The following NKAIN2 variants were observed in gnomAD, a reference collection of about 807,000 sequenced individuals.
The protein encoded by NKAIN2 is sodium/potassium-transporting ATPase subunit beta-1-interacting protein 2.
A neutral mutation model predicts 32.6 loss-of-function variants in NKAIN2; 14 were observed. The observed-to-expected ratio is 0.43, with a 90% confidence interval of 0.28 to 0.67. The LOEUF (loss-of-function observed/expected upper bound fraction) is 0.67, where lower values mean the gene tolerates loss of function less well. Among genes scored for constraint, NKAIN2 ranks in the 30% least tolerant of loss-of-function variants. The probability of loss-of-function intolerance (pLI) is 0.17; values close to 1 mark genes in which losing one functional copy is unlikely to be tolerated. For synonymous variants in NKAIN2, 80 were observed against 87.2 expected (o/e 0.92, Z 0.46); for missense variants, 198 against 258.3 (o/e 0.77, Z 1.60).
At chr6:123,931,041 G>A (rs1207801893) in intron 1 of NKAIN2, among the ~76,000 whole-genome samples, 1 of 152,060 alleles carries the variant, frequency 6.6e-6, no homozygotes, top group Non-Finnish European at 1.5e-5. Flanking sequence ...TTCAGGCAGT[G>A]CAAATACATG....
chr6:124,294,105 T>A (rs978713487), intron 2 of NKAIN2, among the ~76,000 whole-genome samples: 1 of 152,124 alleles, frequency 6.6e-6, no homozygotes, highest in East Asian at 1.9e-4. Context: ...GGCTGGGAAG[T>A]CCATGATAGG....
At chr6:124,071,170 C>T (rs78839036) in intron 1 of NKAIN2, among the ~76,000 whole-genome samples, 60 of 152,198 alleles carry the variant, frequency 3.9e-4, no homozygotes, top group Non-Finnish European at 7.5e-4. Context: ...AATCTACAGG[C>T]CTCTGATCTT....
chr6:124,344,426 A>G (rs1279912038), intron 2 of NKAIN2, among the ~76,000 whole-genome samples: 1 of 151,698 alleles, frequency 6.6e-6, no homozygotes, highest in Admixed American at 6.6e-5. Context: ...CTTGGGCAGT[A>G]TGGCCATTTT....
At chr6:124,021,309 T>C (rs1054830543) in intron 1 of NKAIN2, among the ~76,000 whole-genome samples, 1 of 152,188 alleles carries the variant, frequency 6.6e-6, no homozygotes, top group Middle Eastern at 3.4e-3. Context: ...ATAAGAACAC[T>C]GTTTAATCTT....
At chr6:123,930,753 A>G (rs758144434) in intron 1 of NKAIN2, among the ~76,000 whole-genome samples, 11 of 152,164 alleles carry the variant, frequency 7.2e-5, no homozygotes, top group Non-Finnish European at 1.6e-4. Flanking sequence ...ACTACTTTGC[A>G]GACATTTAGA....
chr6:123,809,921 T>C (rs1259657582), intron 1 of NKAIN2, among the ~76,000 whole-genome samples: 2 of 152,222 alleles, frequency 1.3e-5, no homozygotes, highest in Admixed American at 1.3e-4. Flanking sequence ...CTTGAAATGC[T>C]ACATATAAAC....
At chr6:124,033,350 C>T (rs1298945342) in intron 1 of NKAIN2, among the ~76,000 whole-genome samples, 2 of 152,096 alleles carry the variant, frequency 1.3e-5, no homozygotes, top group Admixed American at 1.3e-4. Flanking sequence ...AGTAAAAGAT[C>T]ATTTTGCCCT....
intron 4 of NKAIN2, among the ~76,000 whole-genome samples, chr6:124,679,478 C>T (rs1410064641): frequency 6.6e-6 from 1 of 152,152 alleles, no homozygotes; most frequent in East Asian, 1.9e-4. Context: ...CCCAATCATA[C>T]TATACTGAGC....
chr6:124,167,139 C>T (rs1457981684), intron 1 of NKAIN2, among the ~76,000 whole-genome samples: 1 of 145,076 alleles, frequency 6.9e-6, no homozygotes, highest in African/African-American at 2.6e-5. Context: ...ATTGATTCTT[C>T]CTACCCATGA....
At chr6:124,623,580 A>C (rs1783191566) in intron 3 of NKAIN2, among the ~76,000 whole-genome samples, 1 of 152,196 alleles carries the variant, frequency 6.6e-6, no homozygotes, top group Non-Finnish European at 1.5e-5. Flanking sequence ...GCATAGTATG[A>C]AATTGTATTA....
intron 1 of NKAIN2, among the ~76,000 whole-genome samples, chr6:124,177,603 A>G (rs1016871328): frequency 6.6e-6 from 1 of 152,198 alleles, no homozygotes; most frequent in African/African-American, 2.4e-5. Context: ...ATTGTGTTTT[A>G]CGTACATTGT....
At chr6:124,577,951 G>A (rs998494701) in intron 3 of NKAIN2, among the ~76,000 whole-genome samples, 21 of 152,148 alleles carry the variant, frequency 1.4e-4, no homozygotes, top group African/African-American at 5.1e-4. Flanking sequence ...TTCTAGACAT[G>A]TACTAGGCCA....
At chr6:124,412,897 C>T (rs181991326) in intron 3 of NKAIN2, among the ~76,000 whole-genome samples, 6 of 152,342 alleles carry the variant, frequency 3.9e-5, no homozygotes, top group Admixed American at 3.9e-4. Flanking sequence ...CCGAGCCTCC[C>T]TGTCACCTTG....
chr6:124,237,630 G>A (rs1243104446), intron 1 of NKAIN2, among the ~76,000 whole-genome samples: 1 of 152,132 alleles, frequency 6.6e-6, no homozygotes, highest in Non-Finnish European at 1.5e-5. Context: ...CAGCTTTCCA[G>A]TGAAGTATAG....
At position 124,330,823 on chromosome 6, in the gene NKAIN2, T is replaced by C. The variant is rs552125868; in HGVS notation, c.193-24444T>C. Among the ~76,000 whole-genome samples, 75 of 152,254 alleles carry C rather than the reference T, an allele frequency of 4.9e-4. 1 individual carries two copies. Among genetic ancestry groups the C allele is most frequent in the Non-Finnish European group, 9.9e-4 (67 of 68,018 alleles). On this transcript the variant is annotated intron_variant, in intron 2 of 6. Coordinates refer to ENST00000368417, the MANE Select transcript of NKAIN2 (RefSeq NM_001040214.3). ...ACTGCCTGAGTTCCTGAGCTCTGCC[T>C]CCTGTCAGATCAGCAGTAGCATTAG...
At chr6:124,648,824 C>CA (rs958219332) in intron 3 of NKAIN2, among the ~76,000 whole-genome samples, 3 of 151,718 alleles carry the variant, frequency 2.0e-5, no homozygotes, top group Middle Eastern at 3.4e-3. Context: ...GTGAAGAAAT[C>CA]AAAAAAACAA....
intron 2 of NKAIN2, among the ~76,000 whole-genome samples, chr6:124,350,469 G>C (rs969660995): frequency 6.6e-5 from 10 of 152,168 alleles, no homozygotes; most frequent in African/African-American, 2.4e-4. Context: ...GGAGGTATAA[G>C]AAAGATAAAT....
intron 4 of NKAIN2, among the ~76,000 whole-genome samples, chr6:124,686,971 A>G (rs2114521250): frequency 6.6e-6 from 1 of 152,192 alleles, no homozygotes; most frequent in East Asian, 1.9e-4. Flanking sequence ...CTAGGCTTCC[A>G]GCCTACATCT....
At chr6:124,420,660 C>T (rs1468726051) in intron 3 of NKAIN2, among the ~76,000 whole-genome samples, 1 of 151,998 alleles carries the variant, frequency 6.6e-6, no homozygotes, top group African/African-American at 2.4e-5. Flanking sequence ...AACATTATCC[C>T]AGATTGTTTG....
Sources: allele counts gnomAD v4.1 joint callset (sites outside exome capture counted in the v4.1 genomes callset), GRCh38; gene constraint gnomAD v4.1.1; transcripts MANE v1.5; gene names NCBI Gene and HGNC (gene_info 2026-07-23, HGNC 2026-07-21).